The following ELAVL1 variants were observed in gnomAD, a reference collection of about 807,000 sequenced individuals.
The protein encoded by ELAVL1 is ELAV like RNA binding protein 1.
A neutral mutation model predicts 28.4 loss-of-function variants in ELAVL1; 1 was observed. That is an observed-to-expected ratio of 0.04 (90% CI 0.01 to 0.17). The LOEUF is 0.17. Ranked by LOEUF, ELAVL1 falls within the 10% of genes least tolerant of loss-of-function variation. The probability of loss-of-function intolerance (pLI) is 1.00; values close to 1 mark genes in which losing one functional copy is unlikely to be tolerated. For synonymous variants in ELAVL1, 174 were observed against 183.5 expected (o/e 0.95, Z 0.42); for missense variants, 157 against 447.2 (o/e 0.35, Z 5.85).
At chr19:7,964,427 C>G (rs978781797) in intron 5 of ELAVL1, among the ~76,000 whole-genome samples, 5 of 152,102 alleles carry the variant, frequency 3.3e-5, no homozygotes, top group Admixed American at 3.3e-4. Flanking sequence ...CCACTGAGGA[C>G]TGAGAACTCA....
Position 7,962,874 on chromosome 19 carries a change from A to G in ELAVL1, c.*609T>C, listed in dbSNP as rs1187523437. On this transcript the variant is annotated 3_prime_UTR_variant, in exon 6 of 6. Transcript: ENST00000407627. Reference sequence around the variant, plus strand: ...TCCTTCTCTGGAGGGCCCGCCCAGCATGCAGCCCGTGGCCCCCGGCCCCAG... The same window carrying G: ...TCCTTCTCTGGAGGGCCCGCCCAGCGTGCAGCCCGTGGCCCCCGGCCCCAG... 1 of 152,818 alleles carries G rather than the reference A, an allele frequency of 6.5e-6. No individual in the cohort carries two copies. The highest frequency in any genetic ancestry group is 1.5e-5 in the Non-Finnish European group (1 of 68,174). 9.5% of individuals were successfully genotyped at this position (152,818 alleles called of 1,614,324 possible). A position where few individuals can be genotyped will look rare whatever the true frequency, so the allele number is the denominator to read the frequency against.
At chr19:8,002,232 T>C (rs1195928721) in intron 1 of ELAVL1, 12 of 814,836 alleles carry the variant, frequency 1.5e-5, no homozygotes, top group Non-Finnish European at 2.0e-5. Context: ...CCCACCCTAT[T>C]GTCTTTGCCT....
At chr19:7,999,295 C>T (rs903550087) in intron 1 of ELAVL1, among the ~76,000 whole-genome samples, 1 of 152,176 alleles carries the variant, frequency 6.6e-6, no homozygotes, top group African/African-American at 2.4e-5. Flanking sequence ...CTCACTTGAA[C>T]GCGGGAGGCA....
chr19:7,992,216 G>A (rs990762176), intron 1 of ELAVL1, among the ~76,000 whole-genome samples: 2 of 152,086 alleles, frequency 1.3e-5, no homozygotes, highest in African/African-American at 4.8e-5. Flanking sequence ...GCTGGGATTA[G>A]AGGCATGAGC....
At chr19:7,992,374 A>G (rs1985775359) in intron 1 of ELAVL1, among the ~76,000 whole-genome samples, 1 of 152,238 alleles carries the variant, frequency 6.6e-6, no homozygotes, top group Admixed American at 6.5e-5. Context: ...CAATGGGTGA[A>G]TGAATGAACA....
At chr19:7,975,154 G>T (rs926496040) in intron 3 of ELAVL1, among the ~76,000 whole-genome samples, 1 of 152,204 alleles carries the variant, frequency 6.6e-6, no homozygotes, top group African/African-American at 2.4e-5. Flanking sequence ...GTCAGGGGCT[G>T]CCAGTGCTGT....
rs1016576587 is a variant in ELAVL1 at position 7,982,373 on chromosome 19, G to A, written c.173-1187C>T. ...CCCCCAGCCGGCAGAGCGCGACAAC[G>A]AGCAGGTCACCGAACAGGAGGTGGC... On this transcript the variant is annotated intron_variant, in intron 2 of 5. Transcript: ENST00000407627. The surrounding 1 kb of genome is among the most constrained non-coding windows in gnomAD (Gnocchi z 4.3). Among the ~76,000 whole-genome samples the A allele has an allele frequency of 1.3e-5, 2 of 152,134 alleles. No homozygotes were observed. Among genetic ancestry groups the A allele is most frequent in the South Asian group, 2.1e-4 (1 of 4,822 alleles).
Position 7,959,704 on chromosome 19 carries a change from C to T in ELAVL1, c.*3779G>A, listed in dbSNP as rs1264990615. ...GGATCCGAGATTCAGATTCTACTGCCATCATTACACGCCAATTGCCAATGC... is the reference window on the plus strand; with the variant it reads ...GGATCCGAGATTCAGATTCTACTGCTATCATTACACGCCAATTGCCAATGC... On this transcript the variant is annotated 3_prime_UTR_variant, in exon 6 of 6. Transcript: ENST00000407627. 6.6e-6 allele frequency: 1 copy of T among 152,170 alleles called. No homozygotes were observed. The highest frequency in any genetic ancestry group is 2.4e-5 in the African/African-American group (1 of 41,440). 9.4% of individuals were successfully genotyped at this position (152,170 alleles called of 1,614,324 possible). A position where few individuals can be genotyped will look rare whatever the true frequency, so the allele number is the denominator to read the frequency against.
intron 3 of ELAVL1, 119 bp from the exon 4 acceptor site, chr19:7,973,997 G>A (rs1039032183): frequency 6.1e-6 from 8 of 1,306,652 alleles, no homozygotes; most frequent in Admixed American, 2.2e-5. Context: ...TGCAGGGAAC[G>A]ATTATCATCA....
At position 7,981,730 on chromosome 19, in the gene ELAVL1, T is replaced by TA. The variant is rs1985469780; in HGVS notation, c.173-545_173-544insT. Among the ~76,000 whole-genome samples the TA allele has an allele frequency of 6.6e-6, 1 of 152,162 alleles. No individual in the cohort carries two copies. Among genetic ancestry groups the TA allele is most frequent in the Non-Finnish European group, 1.5e-5 (1 of 68,032 alleles). On this transcript the variant is annotated intron_variant, in intron 2 of 5. Coordinates refer to ENST00000407627, the MANE Select transcript of ELAVL1 (RefSeq NM_001419.3). The surrounding 1 kb of genome is among the most constrained non-coding windows in gnomAD (Gnocchi z 4.2). ...AAAGTTATTTACAAAGGAGTATTTT[T>TA]TAAAAATACTGTGCTACGGACAGCA...
At chr19:7,966,784 T>C (rs1599664277) in intron 5 of ELAVL1, among the ~76,000 whole-genome samples, 1 of 151,698 alleles carries the variant, frequency 6.6e-6, no homozygotes, top group Non-Finnish European at 1.5e-5. Flanking sequence ...CATGCCCAGT[T>C]TTTTTCATTA....
At chr19:8,005,248 G>A (rs1261207010) in intron 1 of ELAVL1, among the ~76,000 whole-genome samples, 3 of 151,672 alleles carry the variant, frequency 2.0e-5, no homozygotes, top group African/African-American at 7.3e-5. Flanking sequence ...GCATGCCCAC[G>A]CCGTATCCCC....
chr19:7,963,875 G>A lies in ELAVL1; in HGVS notation c.657-68C>T. On this transcript the variant is annotated intron_variant, in intron 5 of 5. Coordinates refer to ENST00000407627, the MANE Select transcript of ELAVL1 (RefSeq NM_001419.3). This position sits in a 1 kb window ranked among gnomAD's most constrained non-coding sequence, Gnocchi z 4.5. ...CGGCCTGGGGATGGGGCAAGGCCTG[G>A]ACGCATGCTGACCATGGCCGCTGGG... The A allele has an allele frequency of 6.6e-7, 1 of 1,514,568 alleles. No homozygotes were observed. Among genetic ancestry groups the A allele is most frequent in the East Asian group, 2.4e-5 (1 of 42,156 alleles). The allele number at this position is 1,514,568 out of a possible 1,614,324, so 93.8% of individuals were successfully genotyped here.
chr19:7,978,567 T>C (rs2145210894), intron 3 of ELAVL1, among the ~76,000 whole-genome samples: 1 of 152,236 alleles, frequency 6.6e-6, no homozygotes, highest in African/African-American at 2.4e-5. Flanking sequence ...ACATGTGAGC[T>C]CTGTGCTTGG....
intron 2 of ELAVL1, among the ~76,000 whole-genome samples, chr19:7,988,479 A>G (rs35176839): frequency 0.06 from 9,175 of 152,240 alleles, 289 homozygotes; most frequent in Non-Finnish European, 0.07. Flanking sequence ...CAGATGGGGC[A>G]TGGCCTCAGG....
intron 2 of ELAVL1, among the ~76,000 whole-genome samples, chr19:7,987,132 T>G (rs940891769): frequency 0.19 from 5,050 of 26,394 alleles, 2 homozygotes; most frequent in Admixed American, 0.24. Flanking sequence ...GGGGGGAGGG[T>G]GCAGCAAGTG....
chr19:8,004,305 G>T (rs2081079462), intron 1 of ELAVL1, among the ~76,000 whole-genome samples: 1 of 152,172 alleles, frequency 6.6e-6, no homozygotes, highest in Non-Finnish European at 1.5e-5. Flanking sequence ...GAAAACTAAG[G>T]CTCAACAGAG....
chr19:7,973,846 G>A lies in ELAVL1; in HGVS notation c.309C>T (p.Ile103=). Residue 103 remains isoleucine (I), a synonymous_variant, in exon 4 of 6, where the codon ATC becomes ATT. Transcript: ENST00000407627. ...VSYARPSSEV[I]KDANLYISGL... Reference sequence around the variant, plus strand: ...CGCTGATGTACAAGTTGGCGTCTTTGATCACCTCTGAGCTCGGGCGAGCAT... The same window carrying A: ...CGCTGATGTACAAGTTGGCGTCTTTAATCACCTCTGAGCTCGGGCGAGCAT... 6.2e-7 allele frequency: 1 copy of A among 1,614,154 alleles called. No individual in the cohort carries two copies. The highest frequency in any genetic ancestry group is 1.3e-5 in the African/African-American group (1 of 75,040).
At chr19:7,975,528 C>T (rs1367938153) in intron 3 of ELAVL1, among the ~76,000 whole-genome samples, 6 of 152,224 alleles carry the variant, frequency 3.9e-5, no homozygotes, top group Non-Finnish European at 7.3e-5. Context: ...TGGGGCTCCC[C>T]GGCCCCTCGG....
Sources: allele counts gnomAD v4.1 joint callset (sites outside exome capture counted in the v4.1 genomes callset), GRCh38; gene constraint gnomAD v4.1.1; non-coding constraint Gnocchi (gnomAD v3.1); transcripts MANE v1.5; gene names NCBI Gene and HGNC (gene_info 2026-07-23, HGNC 2026-07-21).